Variants in WWTR1 observed in about 807,000 individuals in gnomAD.
The protein encoded by WWTR1 is WW domain containing transcription regulator 1, also known as WW domain-containing transcription regulator protein 1.
In WWTR1, 13 loss-of-function variants were observed where a neutral mutation model predicts 40.1. That is an observed-to-expected ratio of 0.32 (90% confidence interval 0.21 to 0.52). The LOEUF (loss-of-function observed/expected upper bound fraction) is 0.52, where lower values mean the gene tolerates loss of function less well. WWTR1 is among the 20% of genes least tolerant of loss of function. WWTR1 has a pLI of 0.97. For missense variants in WWTR1, 436 were observed against 523.1 expected (o/e 0.83, Z 1.63); for synonymous variants, 230 against 210.1 (o/e 1.09, Z -0.82).
intron 2 of WWTR1, among the ~76,000 whole-genome samples, chr3:149,586,500 A>G (rs1738433223): frequency 6.6e-6 from 1 of 152,220 alleles, no homozygotes; most frequent in African/African-American, 2.4e-5. Context: ...CTCTGTCACC[A>G]TTGCCGATCT....
chr3:149,667,503 G>A (rs36180017), intron 2 of WWTR1, among the ~76,000 whole-genome samples: 29,848 of 150,382 alleles, frequency 0.2, 3,199 homozygotes, highest in Admixed American at 0.3. Context: ...AGCTCAGATC[G>A]TGCCACTGCA....
At chr3:149,574,031 C>T (rs1737768345) in intron 2 of WWTR1, among the ~76,000 whole-genome samples, 1 of 151,796 alleles carries the variant, frequency 6.6e-6, no homozygotes, top group African/African-American at 2.4e-5. Flanking sequence ...CCTCCTTCTC[C>T]TTCTTTTTTG....
chr3:149,549,577 C>A (rs1051905600), intron 3 of WWTR1, among the ~76,000 whole-genome samples: 12 of 152,194 alleles, frequency 7.9e-5, no homozygotes, highest in Non-Finnish European at 2.9e-5. Context: ...ATGGCTCACG[C>A]CTGTAATGCC....
At chr3:149,661,156 C>T (rs578200511), upstream of WWTR1, 26 of 152,376 alleles carry the variant, frequency 1.7e-4, no homozygotes, top group African/African-American at 6.0e-4. Flanking sequence ...GGATAAACCA[C>T]ATGGAGAAGG....
At chr3:149,654,187 TAAAC>T (rs931040214) in intron 2 of WWTR1, among the ~76,000 whole-genome samples, 8 of 151,924 alleles carry the variant, frequency 5.3e-5, no homozygotes, top group Non-Finnish European at 1.2e-4. Context: ...AGTAAAGTAA[TAAAC>T]AGACATAATG....
At chr3:149,692,646 T>C (rs1360265531) in intron 1 of WWTR1, among the ~76,000 whole-genome samples, 1 of 150,320 alleles carries the variant, frequency 6.7e-6, no homozygotes, top group Non-Finnish European at 1.5e-5. Context: ...TTTGTTTGTT[T>C]GTTTGAGACG....
chr3:149,674,247 C>G (rs929774159), intron 1 of WWTR1, among the ~76,000 whole-genome samples: 4 of 150,734 alleles, frequency 2.7e-5, no homozygotes, highest in African/African-American at 9.8e-5. Flanking sequence ...CTCTCTCTCT[C>G]TCTCTGTCTG....
At chr3:149,550,461 T>C (rs577675612) in intron 3 of WWTR1, among the ~76,000 whole-genome samples, 1 of 152,328 alleles carries the variant, frequency 6.6e-6, no homozygotes, top group Non-Finnish European at 1.5e-5. Flanking sequence ...AGGCTGATAT[T>C]CTTCTGGATA....
chr3:149,555,492 A>G (rs1487353715), intron 3 of WWTR1, among the ~76,000 whole-genome samples: 1 of 152,116 alleles, frequency 6.6e-6, no homozygotes, highest in East Asian at 1.9e-4. Flanking sequence ...AGGAAAAAAA[A>G]AAAAAACGAA....
chr3:149,539,693 G>C (rs868865849), intron 4 of WWTR1, among the ~76,000 whole-genome samples: 3 of 152,180 alleles, frequency 2.0e-5, no homozygotes, highest in Admixed American at 1.3e-4. Flanking sequence ...ATGCTGGAAG[G>C]CAACTAAACA....
At chr3:149,689,554 C>A (rs763523385) in intron 1 of WWTR1, among the ~76,000 whole-genome samples, 2 of 151,794 alleles carry the variant, frequency 1.3e-5, no homozygotes, top group South Asian at 2.1e-4. Context: ...CCAGTGGGAA[C>A]CTTGCAGGCC....
intron 3 of WWTR1, among the ~76,000 whole-genome samples, chr3:149,558,932 G>T (rs1414527629): frequency 6.6e-6 from 1 of 151,720 alleles, no homozygotes; most frequent in Non-Finnish European, 1.5e-5. Context: ...TTCGAATCTG[G>T]GCTATTAGAT....
intron 2 of WWTR1, among the ~76,000 whole-genome samples, chr3:149,616,994 G>A (rs368501959): frequency 2.6e-5 from 4 of 152,068 alleles, no homozygotes; most frequent in Admixed American, 1.3e-4. Flanking sequence ...AGTTTCTAAA[G>A]TCACCAAGAA....
At chr3:149,536,904 C>T (rs1487201200) in intron 4 of WWTR1, among the ~76,000 whole-genome samples, 4 of 152,032 alleles carry the variant, frequency 2.6e-5, no homozygotes, top group African/African-American at 7.2e-5. Flanking sequence ...AGGTCCTGGT[C>T]CTCGAGGTTA....
At position 149,520,550 on chromosome 3, in the gene WWTR1, G is replaced by T; in HGVS notation, c.*255C>A. 1 of 336,656 alleles carries T rather than the reference G, an allele frequency of 3.0e-6. No individual in the cohort carries two copies. The highest frequency in any genetic ancestry group is 7.8e-4 in the Middle Eastern group (1 of 1,274). 20.9% of individuals were successfully genotyped at this position (336,656 alleles called of 1,614,324 possible). ...AAAAGTATTCTGCATAATCAATCCT[G>T]CAGACACAATTCTGTATAATCTGTC... On this transcript the variant is annotated 3_prime_UTR_variant, in exon 7 of 7. Transcript: ENST00000360632.
At chr3:149,645,088 T>A (rs531744871) in intron 2 of WWTR1, among the ~76,000 whole-genome samples, 363 of 151,032 alleles carry the variant, frequency 2.4e-3, no homozygotes, top group South Asian at 0.015. Context: ...TTATTTATTT[T>A]TTTTTTTTTG....
upstream of WWTR1, among the ~76,000 whole-genome samples, chr3:149,662,027 G>T (rs572800670): frequency 7.9e-5 from 12 of 152,182 alleles, no homozygotes; most frequent in East Asian, 1.9e-3. Flanking sequence ...CACCTCGCCC[G>T]GCCAAATAAA....
At chr3:149,560,390 G>A (rs1241000113) in intron 3 of WWTR1, among the ~76,000 whole-genome samples, 3 of 152,232 alleles carry the variant, frequency 2.0e-5, no homozygotes, top group Admixed American at 6.5e-5. Context: ...CTAGGCTGCA[G>A]TGACCCAGGC....
chr3:149,717,537 G>A (rs1330165090), exon 5 of WWTR1: 1 of 152,166 alleles, frequency 6.6e-6, no homozygotes, highest in African/African-American at 2.4e-5. Flanking sequence ...GCTTCTTCGA[G>A]GTGCCAGAGC....
Sources: gnomAD v4.1 joint callset for allele counts (sites outside exome capture counted in the v4.1 genomes callset) on GRCh38, gnomAD v4.1.1 for gene constraint, MANE v1.5 for transcripts, NCBI Gene and HGNC (gene_info 2026-07-23, HGNC 2026-07-21) for gene names.